TTC7A: variants seen among roughly 807,000 people sequenced by gnomAD.
TTC7A encodes the protein tetratricopeptide repeat domain 7A, also known as tetratricopeptide repeat protein 7A.
Under a neutral mutation model 103.7 loss-of-function variants are expected in TTC7A, and 110 were observed. That is an observed-to-expected ratio of 1.06 (90% CI 0.91 to 1.24). The LOEUF (loss-of-function observed/expected upper bound fraction) is 1.24, where lower values mean the gene tolerates loss of function less well. Among genes scored for constraint, TTC7A ranks in the 50% most tolerant of loss-of-function variants. The pLI is 0.00. For synonymous variants in TTC7A, 521 were observed against 467.9 expected, an observed-to-expected ratio of 1.11 and a Z score of -1.47; for missense variants, 1,340 against 1,116.3, an observed-to-expected ratio of 1.20 and a Z score of -2.86.
At chr2:47,010,969 G>A (rs1452876982) in intron 10 of TTC7A, among the ~76,000 whole-genome samples, 1 of 152,110 alleles carries the variant, frequency 6.6e-6, no homozygotes, top group African/African-American at 2.4e-5. Flanking sequence ...CAAAGTGCTG[G>A]GATTGCAGGC....
At chr2:47,050,663 C>T (rs148080053) in intron 17 of TTC7A, 83 of 152,802 alleles carry the variant, frequency 5.4e-4, no homozygotes, top group African/African-American at 1.7e-3. Flanking sequence ...GTGGACAAAG[C>T]CTTGCACCTT....
At chr2:47,068,881 AAAAAAAG>A (rs1395818003) in intron 19 of TTC7A, among the ~76,000 whole-genome samples, 17,178 of 68,986 alleles carry the variant, frequency 0.25, 852 homozygotes, top group Non-Finnish European at 0.37. Flanking sequence ...AAAAAAAAAA[AAAAAAAG>A]AAAGACTCAC....
chr2:46,940,747 G>C (rs1037393778), upstream of TTC7A, among the ~76,000 whole-genome samples: 11 of 152,328 alleles, frequency 7.2e-5, no homozygotes, highest in African/African-American at 2.2e-4. The surrounding 1 kb of genome is among the most constrained non-coding windows in gnomAD (Gnocchi z 4.7). Flanking sequence ...GCCTGGGAAC[G>C]GGCCTGGGTC....
chr2:47,046,186 G>T, intron 15 of TTC7A, 129 bp from the exon 16 acceptor site: 1 of 711,848 alleles, frequency 1.4e-6, no homozygotes, highest in Admixed American at 2.1e-5. Flanking sequence ...AGAGGCTGCT[G>T]CCCTCATGGC....
chr2:47,031,702 AG>A (rs370824451), intron 15 of TTC7A, among the ~76,000 whole-genome samples: 57 of 152,316 alleles, frequency 3.7e-4, no homozygotes, highest in African/African-American at 1.3e-3. Context: ...GTTCCAGCTG[AG>A]GGGGCCCCTC....
intron 3 of TTC7A, among the ~76,000 whole-genome samples, chr2:46,964,363 A>T (rs1292880656): frequency 6.6e-6 from 1 of 152,044 alleles, no homozygotes; most frequent in Non-Finnish European, 1.5e-5. Flanking sequence ...TGTGTGTGGG[A>T]TGGATTGGGA....
chr2:47,049,804 C>G, intron 16 of TTC7A, 145 bp from the exon 17 acceptor site: 2 of 642,612 alleles, frequency 3.1e-6, no homozygotes, highest in Non-Finnish European at 5.6e-6. Flanking sequence ...TGTCTTTGGG[C>G]CTGAACCCAC....
chr2:47,029,467 G>A, intron 15 of TTC7A, 83 bp downstream of exon 15: 2 of 1,503,464 alleles, frequency 1.3e-6, no homozygotes, highest in Non-Finnish European at 9.2e-7. Context: ...CCCTGCCATG[G>A]TGTCAGCCAA....
chr2:47,027,554 G>A (rs564473210), intron 14 of TTC7A, among the ~76,000 whole-genome samples: 1 of 152,376 alleles, frequency 6.6e-6, no homozygotes, highest in African/African-American at 2.4e-5. Flanking sequence ...TGCAGATAAG[G>A]GAACTGAATT....
chr2:47,013,869 A>G (rs1678335741), intron 11 of TTC7A, among the ~76,000 whole-genome samples: 1 of 152,174 alleles, frequency 6.6e-6, no homozygotes, highest in Non-Finnish European at 1.5e-5. Context: ...ATTTGGGTTC[A>G]GGGGCTAGTT....
At chr2:46,932,520 T>G (rs1669758682) in intron 2 of TTC7A, among the ~76,000 whole-genome samples, 1 of 152,176 alleles carries the variant, frequency 6.6e-6, no homozygotes, top group African/African-American at 2.4e-5. Flanking sequence ...TCTATGCACT[T>G]TCTTTTGTGT....
chr2:46,941,749 C>T lies in TTC7A; in HGVS notation c.184+24C>T, dbSNP rs1572671803. The T allele has an allele frequency of 6.5e-7, 1 of 1,547,442 alleles. No homozygotes were observed. Among genetic ancestry groups the T allele is most frequent in the Non-Finnish European group, 8.7e-7 (1 of 1,145,810 alleles). ...CGGTGAGTAAGGGAAGAGGCTGGCT[C>T]GCCGGCAGCGAGCGCGCGAAACGCA... is the stretch of plus-strand genomic sequence containing the variant. On this transcript the variant is annotated intron_variant, in intron 1 of 19. Transcript: ENST00000319190. The surrounding 1 kb of genome is among the most constrained non-coding windows in gnomAD (Gnocchi z 4.2).
At chr2:46,980,009 C>G (rs1018619819) in intron 5 of TTC7A, among the ~76,000 whole-genome samples, 1 of 152,176 alleles carries the variant, frequency 6.6e-6, no homozygotes, top group Non-Finnish European at 1.5e-5. Flanking sequence ...CACAAGGAAA[C>G]CAAGGTCAGG....
rs113234517 is a variant in TTC7A, at chr2:47,023,840, C to T, written c.1568+375C>T. Among the ~76,000 whole-genome samples the T allele has an allele frequency of 1.3e-3, 192 of 152,128 alleles. 2 individuals carry two copies. Among genetic ancestry groups the T allele is most frequent in the African/African-American group, 4.3e-3 (178 of 41,458 alleles). On this transcript the variant is annotated intron_variant, in intron 13 of 19. Coordinates refer to ENST00000319190, the MANE Select transcript of TTC7A (RefSeq NM_020458.4). The stretch of plus-strand genomic sequence containing the variant: ...TGGCATTCACCTCCTTCTAGCTCCT[C>T]CCCAGCCACCCCTCCCACTAAACCC...
rs149642793 is a variant in TTC7A at position 47,063,002 on chromosome 2, T to C, written c.2355+2031T>C. On this transcript the variant is annotated intron_variant, in intron 19 of 19. Transcript: ENST00000319190. ...TGTTCCTGCCAGCATCCCACACATA[T>C]GCATAAAGAATAGCAAATGTTCAGC... Among the ~76,000 whole-genome samples, 48 of 152,322 alleles carry C rather than the reference T, an allele frequency of 3.2e-4. No homozygotes were observed. The East Asian group carries it at 7.9e-3, about 25-fold the overall frequency.
chr2:46,934,190 G>T (rs1354274086), intron 2 of TTC7A, among the ~76,000 whole-genome samples: 1 of 152,194 alleles, frequency 6.6e-6, no homozygotes, highest in Admixed American at 6.5e-5. Flanking sequence ...TCTTACCCAG[G>T]ATGATAAAAG....
intron 14 of TTC7A, among the ~76,000 whole-genome samples, chr2:47,025,277 G>A (rs17036131): frequency 0.014 from 2,183 of 152,270 alleles, 64 homozygotes; most frequent in African/African-American, 0.05. Context: ...TCTGAGGAGC[G>A]GGCCACAGCA....
upstream of TTC7A, among the ~76,000 whole-genome samples, chr2:46,939,576 C>T (rs148511486): frequency 6.6e-6 from 1 of 152,266 alleles, no homozygotes; most frequent in East Asian, 1.9e-4. Context: ...TGCTCTACAA[C>T]CTGGGGGCAG....
intron 8 of TTC7A, chr2:46,999,308 T>A (rs1676550020): frequency 1.2e-5 from 2 of 163,000 alleles, no homozygotes; most frequent in African/African-American, 2.4e-5. Context: ...CTTTCCTCCA[T>A]CCATCTACCC....
Sources: allele counts gnomAD v4.1 joint callset (sites outside exome capture counted in the v4.1 genomes callset), GRCh38; gene constraint gnomAD v4.1.1; non-coding constraint Gnocchi (gnomAD v3.1); transcripts MANE v1.5; gene names NCBI Gene and HGNC (gene_info 2026-07-23, HGNC 2026-07-21).